Variants in PPP1R10 observed in about 807,000 individuals in gnomAD.
The protein encoded by PPP1R10 is serine/threonine-protein phosphatase 1 regulatory subunit 10.
Under a neutral mutation model 99.0 loss-of-function variants are expected in PPP1R10, and 15 were observed. The observed-to-expected ratio is 0.15, with a 90% CI of 0.10 to 0.23. The LOEUF is 0.23. Ranked by LOEUF, PPP1R10 falls within the 10% of genes least tolerant of loss-of-function variation. The pLI is 1.00. For missense variants in PPP1R10, 947 were observed against 1,259.4 expected (o/e 0.75, Z 3.75); for synonymous variants, 430 against 449.5 (o/e 0.96, Z 0.55).
intron 2 of PPP1R10, among the ~76,000 whole-genome samples, chr6:30,611,849 G>A (rs1481855289): frequency 6.6e-6 from 1 of 152,138 alleles, no homozygotes; most frequent in East Asian, 1.9e-4. Context: ...CATTCAAGGA[G>A]AATACTGGAA....
Position 30,601,500 on chromosome 6 carries a change from C to T in PPP1R10, c.*49G>A, listed in dbSNP as rs367778352. 14 of 1,490,940 alleles carry T rather than the reference C, an allele frequency of 9.4e-6. No homozygotes were observed. Among genetic ancestry groups the T allele is most frequent in the African/African-American group, 2.8e-5 (2 of 72,352 alleles). The allele number at this position is 1,490,940 out of a possible 1,614,324, so 92.4% of individuals were successfully genotyped here. A position where few individuals can be genotyped will look rare whatever the true frequency, so the allele number is the denominator to read the frequency against. Reference sequence around the variant, plus strand: ...AGAAGCCATAACAGGGTGGAAAGAGCGAGGCTGCAGTCCACAGGGGTTGTG... The same window carrying T: ...AGAAGCCATAACAGGGTGGAAAGAGTGAGGCTGCAGTCCACAGGGGTTGTG... On this transcript the variant is annotated 3_prime_UTR_variant, in exon 20 of 20. Coordinates refer to ENST00000376511, the MANE Select transcript of PPP1R10 (RefSeq NM_002714.4).
At chr6:30,607,727 G>A in intron 6 of PPP1R10, 113 bp downstream of exon 6, 1 of 1,165,636 alleles carries the variant, frequency 8.6e-7, no homozygotes, top group African/African-American at 1.5e-5. Flanking sequence ...AAAAAGCAAG[G>A]TGAGGTAGAA....
At position 30,604,638 on chromosome 6, in the gene PPP1R10, C is replaced by T. The variant is rs901654884; in HGVS notation, c.1052G>A (p.Arg351His). 1.9e-6 allele frequency: 3 copies of T among 1,613,138 alleles called. No individual in the cohort carries two copies. The highest frequency in any genetic ancestry group is 8.5e-7 in the Non-Finnish European group (1 of 1,180,036). ...APPSEAMDAD[R>H]PGTPVPPVEV... ...AACAGGGGGAACCGGGGTGCCTGGA[C>T]GGTCTGCGTCCATTGCCTCAGAAGG... The change falls in exon 12 of 20, where the codon CGT (arginine) becomes CAT (histidine). Residue 351 changes from arginine (R) to histidine (H), a missense_variant. Physicochemically the swap from Arg to His is conservative, Grantham distance 29. Coordinates refer to ENST00000376511, the MANE Select transcript of PPP1R10 (RefSeq NM_002714.4). This position sits in a 1 kb window ranked among gnomAD's most constrained non-coding sequence, Gnocchi z 7.3.
At position 30,603,616 on chromosome 6, in the gene PPP1R10, C is replaced by T. The variant is rs746455287; in HGVS notation, c.1623G>A (p.Gly541=). 1 of 1,613,110 alleles carries T rather than the reference C, an allele frequency of 6.2e-7. No individual in the cohort carries two copies. The highest frequency in any genetic ancestry group is 8.5e-7 in the Non-Finnish European group (1 of 1,179,614). Residue 541 remains glycine, a synonymous_variant, in exon 16 of 20, where the codon GGG becomes GGA. Transcript: ENST00000376511. ...TPYVETLEPG[G]SGGSPDGAGG... ...CTGCCCCATCAGGTGAGCCACCTGA[C>T]CCCCCAGGTTCCAGAGTCTCAACAT...
chr6:30,604,499 G>A lies in PPP1R10; in HGVS notation c.1115C>T (p.Pro372Leu). 6.2e-7 allele frequency: 1 copy of A among 1,613,010 alleles called. No individual in the cohort carries two copies. The highest frequency in any genetic ancestry group is 8.5e-7 in the Non-Finnish European group (1 of 1,180,020). ...CACTGGCTTGGCATCCAGAGCTCCTGGCTCCAAAGAGGCTGGAAGCAGAAG... is the reference window on the plus strand; with the variant it reads ...CACTGGCTTGGCATCCAGAGCTCCTAGCTCCAAAGAGGCTGGAAGCAGAAG... ...PELMDTASLE[P>L]GALDAKPVES... Residue 372 changes from proline to leucine, a missense_variant, in exon 13 of 20, where the codon CCA becomes CTA. By Grantham distance (98) the Pro-to-Leu change is moderately conservative (BLOSUM62 -3). Transcript: ENST00000376511. The surrounding 1 kb of genome is among the most constrained non-coding windows in gnomAD (Gnocchi z 7.3).
Position 30,604,169 on chromosome 6 carries a change from A to G in PPP1R10, c.1347T>C (p.Arg449=). 1.4e-5 allele frequency: 22 copies of G among 1,614,126 alleles called. No individual in the cohort carries two copies. The highest frequency in any genetic ancestry group is 1.8e-5 in the Non-Finnish European group (21 of 1,180,036). Residue 449 remains arginine (R), a synonymous_variant, in exon 14 of 20, where the codon CGT becomes CGC. Coordinates refer to ENST00000376511, the MANE Select transcript of PPP1R10 (RefSeq NM_002714.4). This position sits in a 1 kb window ranked among gnomAD's most constrained non-coding sequence, Gnocchi z 7.3. ...SDRHAFETAR[R]LSHDNMEEKV... ...TCTCCTCCATGTTATCATGGCTCAG[A>G]CGCCGCGCTGTCTCAAATGCATGTC... is the stretch of plus-strand genomic sequence containing the variant.
chr6:30,608,791 G>T lies in PPP1R10; in HGVS notation c.318C>A (p.Asp106Glu). ...AGACTAAAGGTACCTGCTTGAGATG[G>T]TCTACAGTGAGCGGTAGATGCTGCA... is the stretch of plus-strand genomic sequence containing the variant. ...LTLQHLPLTV[D>E]HLKQNNTAKL... The change falls in exon 5 of 20, where the codon GAC (aspartate) becomes GAA (glutamate). Residue 106 changes from aspartate to glutamate, a missense_variant. Transcript: ENST00000376511. The T allele has an allele frequency of 6.2e-7, 1 of 1,614,110 alleles. No homozygotes were observed. Among genetic ancestry groups the T allele is most frequent in the Non-Finnish European group, 8.5e-7 (1 of 1,179,960 alleles).
intron 2 of PPP1R10, among the ~76,000 whole-genome samples, chr6:30,612,604 CTCA>C (rs1288503971): frequency 6.6e-6 from 1 of 152,150 alleles, no homozygotes; most frequent in African/African-American, 2.4e-5. Context: ...GAAATTTTGT[CTCA>C]TGAGCACCAA....
chr6:30,606,431 G>A lies in PPP1R10; in HGVS notation c.634+37C>T. The A allele has an allele frequency of 6.2e-7, 1 of 1,608,174 alleles. No homozygotes were observed. The highest frequency in any genetic ancestry group is 8.5e-7 in the Non-Finnish European group (1 of 1,177,172). On this transcript the variant is annotated intron_variant, in intron 8 of 19. Transcript: ENST00000376511. This position sits in a 1 kb window ranked among gnomAD's most constrained non-coding sequence, Gnocchi z 6.3. ...CCCATAAGGCTCTGGGTGTGCACAT[G>A]CCCATGAACCCTCCAGAGGCCAGCC...
At position 30,609,225 on chromosome 6, in the gene PPP1R10, G is replaced by C; in HGVS notation, c.108-62C>G. ...CAGTATCTCTTCTCTTAGCAAAAGC[G>C]CCTCTCTGTGAACTGCCTAGAGATT... On this transcript the variant is annotated intron_variant, in intron 3 of 19. Coordinates refer to ENST00000376511, the MANE Select transcript of PPP1R10 (RefSeq NM_002714.4). This position sits in a 1 kb window ranked among gnomAD's most constrained non-coding sequence, Gnocchi z 4.5. 9 of 1,517,056 alleles carry C rather than the reference G, an allele frequency of 5.9e-6. No individual in the cohort carries two copies. In the South Asian group the frequency reaches 1.0e-4, roughly 17 times the overall value. The allele number at this position is 1,517,056 out of a possible 1,614,324, so 94.0% of individuals were successfully genotyped here.
intron 2 of PPP1R10, among the ~76,000 whole-genome samples, chr6:30,610,877 G>T (rs1804484310): frequency 6.6e-6 from 1 of 152,174 alleles, no homozygotes; most frequent in Admixed American, 6.5e-5. Context: ...GACCAGGTTG[G>T]GAAGGGAATT....
rs562454028 is a variant in PPP1R10 at position 30,609,036 on chromosome 6, C to T, written c.194+41G>A. On this transcript the variant is annotated intron_variant, in intron 4 of 19. Coordinates refer to ENST00000376511, the MANE Select transcript of PPP1R10 (RefSeq NM_002714.4). This position sits in a 1 kb window ranked among gnomAD's most constrained non-coding sequence, Gnocchi z 4.5. ...CCCATGCCTCACCGCCCCATCTTTT[C>T]GCTACACCTTCCCATTCCAACCATC... 16 of 1,613,150 alleles carry T rather than the reference C, an allele frequency of 9.9e-6. No homozygotes were observed. The South Asian group carries it at 1.2e-4, about 12-fold the overall frequency.
In PPP1R10 at chr6:30,609,809, A is replaced by C; in HGVS notation, c.107+29T>G. The C allele has an allele frequency of 6.4e-7, 1 of 1,558,110 alleles. No homozygotes were observed. Reference sequence around the variant, plus strand: ...TTAACACACAATATTCTCTACTCACAGTGAATACAAAAAGGGGTAAAGACT... The same window carrying C: ...TTAACACACAATATTCTCTACTCACCGTGAATACAAAAAGGGGTAAAGACT... On this transcript the variant is annotated intron_variant, in intron 3 of 19. Coordinates refer to ENST00000376511, the MANE Select transcript of PPP1R10 (RefSeq NM_002714.4). This position sits in a 1 kb window ranked among gnomAD's most constrained non-coding sequence, Gnocchi z 4.5.
chr6:30,609,172 G>A lies in PPP1R10; in HGVS notation c.108-9C>T. ...GTGCTTCCTTCATCAAACTGCAGAAGATGAGTTAGGGTTAGAAATGAAGCA... is the reference window on the plus strand; with the variant it reads ...GTGCTTCCTTCATCAAACTGCAGAAAATGAGTTAGGGTTAGAAATGAAGCA... On this transcript the variant is annotated splice_polypyrimidine_tract_variant and intron_variant, in intron 3 of 19. Coordinates refer to ENST00000376511, the MANE Select transcript of PPP1R10 (RefSeq NM_002714.4). This position sits in a 1 kb window ranked among gnomAD's most constrained non-coding sequence, Gnocchi z 4.5. 6.2e-7 allele frequency: 1 copy of A among 1,612,930 alleles called. No individual in the cohort carries two copies. Among genetic ancestry groups the A allele is most frequent in the Non-Finnish European group, 8.5e-7 (1 of 1,179,866 alleles).
intron 10 of PPP1R10, among the ~76,000 whole-genome samples, chr6:30,605,409 C>T (rs1273750312): frequency 1.3e-5 from 2 of 152,132 alleles, no homozygotes; most frequent in Non-Finnish European, 2.9e-5. Flanking sequence ...TGGCACACGT[C>T]CCTATCTTAT....
Position 30,603,276 on chromosome 6 carries a change from T to G in PPP1R10, c.1777A>C (p.Asn593His). 6.2e-7 allele frequency: 1 copy of G among 1,613,212 alleles called. No individual in the cohort carries two copies. Among genetic ancestry groups the G allele is most frequent in the South Asian group, 1.1e-5 (1 of 91,038 alleles). Residue 593 changes from asparagine to histidine, a missense_variant, in exon 17 of 20, where the codon AAC becomes CAC. Physicochemically the swap from Asn to His is moderately conservative, Grantham distance 68. Transcript: ENST00000376511. Reference sequence around the variant, plus strand: ...AGTAGTTCCTCTGAAGGATGACTGTTTGGGCTACCCTGTGAGGATGTAAGA... The same window carrying G: ...AGTAGTTCCTCTGAAGGATGACTGTGTGGGCTACCCTGTGAGGATGTAAGA... Reference protein sequence around the residue: ...EILTSIMGSPNSHPSEELLKQ... With the variant: ...EILTSIMGSPHSHPSEELLKQ...
chr6:30,601,443 A>C lies in PPP1R10; in HGVS notation c.*106T>G, dbSNP rs1010376676. On this transcript the variant is annotated 3_prime_UTR_variant, in exon 20 of 20. Transcript: ENST00000376511. The stretch of plus-strand genomic sequence containing the variant: ...TGGGAACTGAGGGGGCCGGCTCCTC[A>C]TCAGCTGGGGAAAAGGGAAAATGGG... 42 of 901,370 alleles carry C rather than the reference A, an allele frequency of 4.7e-5. No homozygotes were observed. The African/African-American group carries it at 4.7e-4, about 10-fold the overall frequency. The allele number at this position is 901,370 out of a possible 1,614,324, so 55.8% of individuals were successfully genotyped here.
At chr6:30,608,516 T>C (rs1374183359) in intron 5 of PPP1R10, among the ~76,000 whole-genome samples, 1 of 152,096 alleles carries the variant, frequency 6.6e-6, no homozygotes, top group East Asian at 1.9e-4. Flanking sequence ...TCAGCCAGGA[T>C]GGTCTCAGTC....
In PPP1R10 at chr6:30,601,489, G is replaced by A. The variant is rs1803306913; in HGVS notation, c.*60C>T. 5 of 1,414,030 alleles carry A rather than the reference G, an allele frequency of 3.5e-6. No individual in the cohort carries two copies. The African/African-American group carries it at 4.2e-5, about 12-fold the overall frequency. The allele number at this position is 1,414,030 out of a possible 1,614,324, so 87.6% of individuals were successfully genotyped here. On this transcript the variant is annotated 3_prime_UTR_variant, in exon 20 of 20. Coordinates refer to ENST00000376511, the MANE Select transcript of PPP1R10 (RefSeq NM_002714.4). ...ATGGGCCTCACAGAAGCCATAACAG[G>A]GTGGAAAGAGCGAGGCTGCAGTCCA...
Sources: gnomAD v4.1 joint callset for allele counts (sites outside exome capture counted in the v4.1 genomes callset) on GRCh38, gnomAD v4.1.1 for gene constraint, Gnocchi (gnomAD v3.1) non-coding constraint, MANE v1.5 for transcripts, NCBI Gene and HGNC (gene_info 2026-07-23, HGNC 2026-07-21) for gene names.